Variants in NEBL observed in about 807,000 individuals in gnomAD.
NEBL encodes the protein nebulette.
A neutral mutation model predicts 140.2 loss-of-function variants in NEBL; 122 were observed. The ratio of observed to expected loss-of-function variants is 0.87; its 90% CI spans 0.75 to 1.01. NEBL has a LOEUF of 1.01. Among genes scored for constraint, NEBL ranks in the 50% least tolerant of loss-of-function variants. NEBL has a pLI of 0.00. For missense variants in NEBL, 1,365 were observed against 1,231.3 expected, an observed-to-expected ratio of 1.11 and a Z score of -1.62; for synonymous variants, 436 against 398.9, an observed-to-expected ratio of 1.09 and a Z score of -1.11.
intron 4 of NEBL, among the ~76,000 whole-genome samples, chr10:20,902,906 CT>C (rs1325883512): frequency 6.6e-6 from 1 of 152,168 alleles, no homozygotes; most frequent in African/African-American, 2.4e-5. Context: ...TTGTGAAAGA[CT>C]TTGAAATGGG....
intron 2 of NEBL, among the ~76,000 whole-genome samples, chr10:21,095,993 C>T (rs1377384080): frequency 1.3e-5 from 2 of 152,190 alleles, no homozygotes; most frequent in African/African-American, 4.8e-5. Context: ...CCAGATTATC[C>T]TCTGGCTCTA....
At chr10:20,899,724 A>G (rs535165677), upstream of NEBL, 28 of 235,988 alleles carry the variant, frequency 1.2e-4, no homozygotes, top group African/African-American at 6.4e-4. Context: ...TTGTTCAACA[A>G]ATAAATGTTG....
At chr10:20,789,925 GTGTA>G (rs1169738054) in intron 26 of NEBL, among the ~76,000 whole-genome samples, 2 of 149,856 alleles carry the variant, frequency 1.3e-5, no homozygotes, top group East Asian at 2.0e-4. Flanking sequence ...ATATATGTGT[GTGTA>G]TATGTGTATA....
At chr10:21,164,733 C>T (rs943874793) in intron 2 of NEBL, among the ~76,000 whole-genome samples, 2 of 152,182 alleles carry the variant, frequency 1.3e-5, no homozygotes, top group African/African-American at 4.8e-5. Flanking sequence ...TGCCAACGGT[C>T]CAATACGGTG....
intron 5 of NEBL, among the ~76,000 whole-genome samples, chr10:20,873,743 A>G (rs958264268): frequency 3.3e-5 from 5 of 152,044 alleles, no homozygotes; most frequent in African/African-American, 1.2e-4. Flanking sequence ...TCTTATTTTT[A>G]TTAGAATAAT....
At chr10:21,093,850 C>G (rs1263607148) in intron 2 of NEBL, among the ~76,000 whole-genome samples, 5 of 152,232 alleles carry the variant, frequency 3.3e-5, no homozygotes, top group Non-Finnish European at 5.9e-5. Context: ...GCCTTCATTG[C>G]ATGTGTTACT....
At chr10:21,261,611 C>T (rs968124076) in intron 1 of NEBL, among the ~76,000 whole-genome samples, 2 of 150,952 alleles carry the variant, frequency 1.3e-5, no homozygotes, top group Non-Finnish European at 2.9e-5. Context: ...CACACCATTG[C>T]ACACCATCCC....
rs185742861 is a variant in NEBL, at chr10:21,004,521, C to G, written c.249+15596G>C. Among the ~76,000 whole-genome samples the G allele has an allele frequency of 4.2e-3, 638 of 152,174 alleles. 3 individuals carry two copies. The highest frequency in any genetic ancestry group is 0.014 in the African/African-American group (589 of 41,522). On this transcript the variant is annotated intron_variant, in intron 3 of 6. Coordinates refer to the NEBL transcript ENST00000417816. ...AGATCACGAGGTCAGGAGATCGAGA[C>G]CACCCTGGCTAACACAGTGAAACCC...
Position 20,868,712 on chromosome 10 carries a change from T to C in NEBL, c.636A>G (p.Gly212=). 6.2e-7 allele frequency: 1 copy of C among 1,613,198 alleles called. No individual in the cohort carries two copies. ...CCACGGCATGTTCAAAATCTGGTCT[T>C]CCAATTACAGCGGGCTCTTTATTCA... ...GIMNKEPAVI[G]RPDFEHAVEA... The change falls in exon 7 of 28, where the codon GGA becomes GGG. Residue 212 remains glycine, a synonymous_variant. Transcript: ENST00000377122.
intron 3 of NEBL, among the ~76,000 whole-genome samples, chr10:21,223,013 T>A (rs1842094364): frequency 6.6e-6 from 1 of 152,250 alleles, no homozygotes; most frequent in Non-Finnish European, 1.5e-5. Context: ...TCCACCCACC[T>A]TGGCTTCCCA....
At chr10:21,232,558 G>A (rs11012592) in intron 3 of NEBL, among the ~76,000 whole-genome samples, 14,336 of 152,162 alleles carry the variant, frequency 0.094, 765 homozygotes, top group South Asian at 0.18. Flanking sequence ...ACAGTAACAG[G>A]TCATCAGGCA....
chr10:21,183,654 AC>A (rs1298557865), intron 3 of NEBL, among the ~76,000 whole-genome samples: 2 of 152,152 alleles, frequency 1.3e-5, no homozygotes, highest in African/African-American at 4.8e-5. Flanking sequence ...TGGTCAACTA[AC>A]TCTGCATTTA....
At chr10:21,267,357 G>A (rs1327251328) in intron 1 of NEBL, among the ~76,000 whole-genome samples, 1 of 152,054 alleles carries the variant, frequency 6.6e-6, no homozygotes, top group Non-Finnish European at 1.5e-5. Context: ...CAAGTGATCT[G>A]CCCACCTCGG....
intron 2 of NEBL, among the ~76,000 whole-genome samples, chr10:21,248,593 C>A (rs1588561345): frequency 6.6e-6 from 1 of 152,234 alleles, no homozygotes; most frequent in East Asian, 1.9e-4. Context: ...TTGTTTCCAT[C>A]TTTTGGTTAT....
chr10:21,029,113 A>C, intron 2 of NEBL: 1 of 1,256,078 alleles, frequency 8.0e-7, no homozygotes, highest in Non-Finnish European at 1.2e-6. Flanking sequence ...CAAACCAGTC[A>C]GCTGGGCTGA....
intron 19 of NEBL, among the ~76,000 whole-genome samples, chr10:20,820,223 T>C (rs1312665468): frequency 6.6e-6 from 1 of 152,198 alleles, no homozygotes; most frequent in Non-Finnish European, 1.5e-5. Context: ...GCCCCATCTC[T>C]GACCTAGCAT....
intron 3 of NEBL, among the ~76,000 whole-genome samples, chr10:21,005,986 T>C (rs576828337): frequency 3.3e-5 from 5 of 152,280 alleles, no homozygotes; most frequent in African/African-American, 9.6e-5. Flanking sequence ...TAAACATATA[T>C]AGACATAGAT....
At chr10:21,052,624 A>G (rs1834827931) in intron 2 of NEBL, among the ~76,000 whole-genome samples, 1 of 152,208 alleles carries the variant, frequency 6.6e-6, no homozygotes, top group African/African-American at 2.4e-5. Flanking sequence ...AAGTCTGTAG[A>G]GATGCTAAAA....
In NEBL at chr10:20,823,623, T is replaced by G. The variant is rs531321686; in HGVS notation, c.1870-323A>C. ...TTGTACATTATCGTAAATAAAATGA[T>G]TATTTTCTATCCAAAAATCAGTTTC... On this transcript the variant is annotated intron_variant, in intron 18 of 27. Coordinates refer to ENST00000377122, the MANE Select transcript of NEBL (RefSeq NM_006393.3). Among the ~76,000 whole-genome samples, 365 of 152,168 alleles carry G rather than the reference T, an allele frequency of 2.4e-3. 1 individual carries two copies. The highest frequency in any genetic ancestry group is 3.4e-3 in the Non-Finnish European group (232 of 68,022).
Sources: gnomAD v4.1 joint callset for allele counts (sites outside exome capture counted in the v4.1 genomes callset) on GRCh38, gnomAD v4.1.1 for gene constraint, MANE v1.5 for transcripts, NCBI Gene and HGNC (gene_info 2026-07-23, HGNC 2026-07-21) for gene names.